Variants in FGF14 observed in about 807,000 individuals in gnomAD.
FGF14 encodes fibroblast growth factor 14.
In FGF14, 5 loss-of-function variants were observed where a neutral mutation model predicts 25.5. The ratio of observed to expected loss-of-function variants is 0.20; its 90% CI spans 0.10 to 0.41. The LOEUF is 0.41. Among genes scored for constraint, FGF14 ranks in the 10% least tolerant of loss-of-function variants. FGF14 has a pLI of 1.00. For synonymous variants in FGF14, 138 were observed against 118.3 expected (o/e 1.17, Z -1.08); for missense variants, 222 against 320.1 (o/e 0.69, Z 2.34).
At chr13:102,119,141 A>G (rs1413364233) in intron 1 of FGF14, among the ~76,000 whole-genome samples, 1 of 152,236 alleles carries the variant, frequency 6.6e-6, no homozygotes, top group East Asian at 1.9e-4. Context: ...TGAAGTCTAC[A>G]GCATCATCTA....
intron 1 of FGF14, among the ~76,000 whole-genome samples, chr13:102,027,275 C>T (rs920687654): frequency 6.6e-6 from 1 of 150,796 alleles, no homozygotes; most frequent in Admixed American, 6.6e-5. Context: ...GTATAATATG[C>T]ATTATCTATA....
intron 1 of FGF14, among the ~76,000 whole-genome samples, chr13:102,169,556 C>A (rs2047144375): frequency 6.6e-6 from 1 of 152,234 alleles, no homozygotes; most frequent in Admixed American, 6.5e-5. Context: ...CAACAAAAGC[C>A]ACTCTGCAAG....
At chr13:102,203,484 T>C (rs1009857268) in intron 1 of FGF14, among the ~76,000 whole-genome samples, 4 of 152,210 alleles carry the variant, frequency 2.6e-5, no homozygotes, top group Admixed American at 2.6e-4. Flanking sequence ...TAGGATCCTT[T>C]AGTTATAATT....
At chr13:102,377,484 A>C (rs961052774) in intron 1 of FGF14, among the ~76,000 whole-genome samples, 1 of 152,216 alleles carries the variant, frequency 6.6e-6, no homozygotes. Flanking sequence ...ATTAGAGTAC[A>C]TACAAGAAAA....
intron 1 of FGF14, among the ~76,000 whole-genome samples, chr13:102,311,375 T>G (rs2055757958): frequency 6.6e-6 from 1 of 152,120 alleles, no homozygotes; most frequent in African/African-American, 2.4e-5. Context: ...TGTGAGCTCT[T>G]TAAAGTAAAA....
intron 3 of FGF14, among the ~76,000 whole-genome samples, chr13:101,863,128 T>C (rs1008522763): frequency 6.6e-6 from 1 of 152,146 alleles, no homozygotes; most frequent in Non-Finnish European, 1.5e-5. Context: ...TAGATTGTTA[T>C]AATAATTGGA....
chr13:102,282,442 A>G (rs2053891599), intron 1 of FGF14, among the ~76,000 whole-genome samples: 1 of 152,162 alleles, frequency 6.6e-6, no homozygotes, highest in African/African-American at 2.4e-5. Flanking sequence ...ATGTCAGTTT[A>G]GTATCTGTAA....
intron 1 of FGF14, among the ~76,000 whole-genome samples, chr13:102,337,930 G>A (rs368801025): frequency 6.6e-6 from 1 of 152,096 alleles, no homozygotes; most frequent in Non-Finnish European, 1.5e-5. Flanking sequence ...ATACAGTATA[G>A]TGTATATATA....
At chr13:102,122,674 T>A (rs1189257774) in intron 1 of FGF14, among the ~76,000 whole-genome samples, 1 of 152,212 alleles carries the variant, frequency 6.6e-6, no homozygotes, top group Non-Finnish European at 1.5e-5. Flanking sequence ...ATGCCCTACA[T>A]GGCATTTTCT....
chr13:102,237,633 A>C (rs1281379252), intron 1 of FGF14, among the ~76,000 whole-genome samples: 3 of 152,126 alleles, frequency 2.0e-5, no homozygotes, highest in African/African-American at 7.2e-5. Context: ...CAAGCTAAAA[A>C]TTTTTTGATA....
At chr13:102,014,317 G>A (rs1272925775) in intron 1 of FGF14, among the ~76,000 whole-genome samples, 1 of 152,056 alleles carries the variant, frequency 6.6e-6, no homozygotes, top group Non-Finnish European at 1.5e-5. Context: ...ATTTTTAAAT[G>A]AAAATTTTTT....
chr13:101,812,634 TATATA>T, intron 3 of FGF14, among the ~76,000 whole-genome samples: 1 of 13,602 alleles, frequency 7.4e-5, no homozygotes, highest in Non-Finnish European at 2.1e-4. Flanking sequence ...TATATATATA[TATATA>T]TATATATATA....
At chr13:101,735,670 G>GA (rs548510485) in intron 3 of FGF14, among the ~76,000 whole-genome samples, 19,620 of 127,726 alleles carry the variant, frequency 0.15, 2,515 homozygotes, top group African/African-American at 0.36. Flanking sequence ...ATCCCCATAG[G>GA]AAAAAAAAAA....
chr13:101,967,145 C>A (rs1420281796), intron 1 of FGF14, among the ~76,000 whole-genome samples: 1 of 152,174 alleles, frequency 6.6e-6, no homozygotes, highest in Admixed American at 6.5e-5. Context: ...GGGCTTCCTG[C>A]ATCTCAGTCA....
intron 1 of FGF14, among the ~76,000 whole-genome samples, chr13:102,052,243 A>G (rs569069029): frequency 1.3e-5 from 2 of 152,260 alleles, no homozygotes; most frequent in African/African-American, 4.8e-5. Flanking sequence ...AAGGAAGCTT[A>G]CAGGATTCAT....
chr13:101,882,546 TTC>T (rs1166684908), intron 1 of FGF14, among the ~76,000 whole-genome samples: 2 of 132,652 alleles, frequency 1.5e-5, no homozygotes, highest in Admixed American at 7.1e-5. Flanking sequence ...AAAATATATT[TTC>T]TGTTTTTTTT....
chr13:102,344,722 TCATGCA>T (rs1462011791), intron 1 of FGF14, among the ~76,000 whole-genome samples: 2 of 152,180 alleles, frequency 1.3e-5, no homozygotes, highest in African/African-American at 4.8e-5. Flanking sequence ...GCTAGCATAG[TCATGCA>T]CATGAGGTTC....
chr13:102,270,470 C>G (rs931236222), intron 1 of FGF14, among the ~76,000 whole-genome samples: 3 of 152,090 alleles, frequency 2.0e-5, no homozygotes, highest in Non-Finnish European at 4.4e-5. Flanking sequence ...TACTGTAACA[C>G]TTTGCCTACT....
chr13:101,893,948 G>A (rs1355495691), intron 1 of FGF14, among the ~76,000 whole-genome samples: 1 of 151,864 alleles, frequency 6.6e-6, no homozygotes. Flanking sequence ...ACTCCCAGAG[G>A]CATCATAAGG....
Sources: gnomAD v4.1 joint callset for allele counts (sites outside exome capture counted in the v4.1 genomes callset) on GRCh38, gnomAD v4.1.1 for gene constraint, MANE v1.5 for transcripts, NCBI Gene and HGNC (gene_info 2026-07-23, HGNC 2026-07-21) for gene names.